HELZ2: variants seen among roughly 807,000 people sequenced by gnomAD.
HELZ2 encodes the protein helicase with zinc finger 2.
Under a neutral mutation model 208.8 loss-of-function variants are expected in HELZ2, and 143 were observed. The observed-to-expected ratio is 0.68, with a 90% CI of 0.60 to 0.79. The LOEUF (loss-of-function observed/expected upper bound fraction) is 0.79. Ranked by LOEUF, HELZ2 falls within the 30% of genes least tolerant of loss-of-function variation. The pLI is 0.00. For missense variants in HELZ2, 3,690 were observed against 3,794.5 expected (o/e 0.97, Z 0.72); for synonymous variants, 1,705 against 1,693.7 (o/e 1.01, Z -0.16).
downstream of HELZ2, chr20:63,559,196 C>T (rs988468231): frequency 1.2e-5 from 18 of 1,467,034 alleles, no homozygotes; most frequent in Non-Finnish European, 1.6e-5. Context: ...GGTGGGGGGG[C>T]CCTGGACTTT....
exon 6 of HELZ2, chr20:63,567,568 T>G: frequency 6.3e-7 from 1 of 1,585,088 alleles, no homozygotes; most frequent in Non-Finnish European, 8.6e-7. Flanking sequence ...AGGAGTGGCC[T>G]CGGGGTGGCC....
exon 8 of HELZ2, chr20:63,562,550 A>T (rs1428088813): frequency 1.9e-6 from 3 of 1,595,150 alleles, no homozygotes; most frequent in Non-Finnish European, 2.6e-6. Flanking sequence ...CAGCAGCTCA[A>T]CGGTGAACAG....
chr20:63,562,159 C>A lies in HELZ2; in HGVS notation c.6442G>T (p.Gly2148Ter). Residue 2148 changes from glycine (G) to a stop codon, truncating the protein, a stop_gained, in exon 10 of 19, where the codon GGA (glycine) becomes TGA (stop). Transcript: ENST00000467148. LOFTEE classifies it high-confidence loss of function. ...CTGGGGTTCAGCTTGTGGCGGCCTCCGGGGATGTTGTAGGTCTGCCGCTCC... is the reference window on the plus strand; with the variant it reads ...CTGGGGTTCAGCTTGTGGCGGCCTCAGGGGATGTTGTAGGTCTGCCGCTCC... The A allele has an allele frequency of 6.2e-7, 1 of 1,611,854 alleles. No homozygotes were observed.
exon 5 of HELZ2, chr20:63,568,821 C>T: frequency 6.2e-7 from 1 of 1,612,178 alleles, no homozygotes; most frequent in Middle Eastern, 1.7e-4. Flanking sequence ...GGTGCAGGTA[C>T]AGGGGCCACC....
rs756255272 is a variant in HELZ2, at chr20:63,569,335, C to T, written c.901G>A (p.Val301Met). ...GCCGTCCGCTCCACGCCAGGCACCA[C>T]GTGGCGGTTGCCAGTGTGCCAGCGC... Residue 301 changes from valine (V) to methionine (M), a missense_variant, in exon 4 of 19, where the codon GTG becomes ATG. Physicochemically the swap from Val to Met is conservative, Grantham distance 21 (BLOSUM62 1). This residue lies in a region of HELZ2 where 1,119 missense variants were observed against 1,193.4 expected (regional missense o/e 0.94). Transcript: ENST00000467148. 31 of 1,600,400 alleles carry T rather than the reference C, an allele frequency of 1.9e-5. No homozygotes were observed. The East Asian group carries it at 2.7e-4, about 14-fold the overall frequency.
intron 15 of HELZ2, 22 bp from the exon 17 acceptor site, chr20:63,560,719 G>A: frequency 6.2e-7 from 1 of 1,605,274 alleles, no homozygotes; most frequent in South Asian, 1.1e-5. Context: ...GATGTGCGCT[G>A]GTCAGAGGCT....
chr20:63,559,009 GC>G, downstream of HELZ2: 1 of 466,654 alleles, frequency 2.1e-6, no homozygotes, highest in South Asian at 3.2e-5. Flanking sequence ...TCCCAAGGAA[GC>G]CCCTCTTGGC....
At chr20:63,561,629 G>C (rs201218245) in exon 12 of HELZ2, 34 of 1,609,730 alleles carry the variant, frequency 2.1e-5, no homozygotes, top group Non-Finnish European at 5.1e-6. Flanking sequence ...CTCCCCTCCC[G>C]GGGGCTCTTC....
At chr20:63,569,200 T>C (rs1367790939) in exon 4 of HELZ2, 1 of 1,552,076 alleles carries the variant, frequency 6.4e-7, no homozygotes. Flanking sequence ...AACTGGTGCA[T>C]CCTCTGCCGA....
At chr20:63,569,567 A>C (rs1425318496) in exon 4 of HELZ2, 3 of 1,595,962 alleles carry the variant, frequency 1.9e-6, no homozygotes, top group Admixed American at 3.5e-5. Flanking sequence ...GGAAGCGCTC[A>C]CCCCGTGCGT....
In HELZ2 at chr20:63,565,308, C is replaced by T. The variant is rs182835948; in HGVS notation, c.3514G>A (p.Val1172Met). ...TCTCCCGAAAGGAGCTGCACCAGCA[C>T]CTCATCCCCGGCGAAGGCCATCCCA... is the stretch of plus-strand genomic sequence containing the variant. Residue 1172 changes from valine (V) to methionine (M), a missense_variant, in exon 8 of 19, where the codon GTG becomes ATG. By Grantham distance (21) the Val-to-Met change is conservative. Transcript: ENST00000467148. The T allele has an allele frequency of 2.2e-3, 3,519 of 1,606,328 alleles. 5 individuals carry two copies. Among genetic ancestry groups the T allele is most frequent in the Non-Finnish European group, 2.5e-3 (2,991 of 1,177,412 alleles).
At position 63,568,474 on chromosome 20, in the gene HELZ2, G is replaced by A. The variant is rs940427052; in HGVS notation, c.1614C>T (p.Pro538=). 3.1e-6 allele frequency: 5 copies of A among 1,593,116 alleles called. No individual in the cohort carries two copies. In the African/African-American group the frequency reaches 6.7e-5, roughly 21 times the overall value. ...CAAAGGGGCCATAGATGAGTAGCGG[G>A]GGGACACGCCTCCCATCCCCAGGGC... Residue 538 remains proline (P), a synonymous_variant, in exon 5 of 19, where the codon CCC becomes CCT. Transcript: ENST00000467148.
At chr20:63,559,062 C>G (rs1281191086), downstream of HELZ2, 2 of 635,272 alleles carry the variant, frequency 3.1e-6, no homozygotes, top group East Asian at 3.1e-5. Context: ...CCAGGAGGAG[C>G]AAGAGTGTGG....
exon 8 of HELZ2, chr20:63,564,108 C>T (rs1244890938): frequency 1.2e-6 from 2 of 1,610,352 alleles, no homozygotes; most frequent in African/African-American, 1.3e-5. Context: ...GGCACCCGGT[C>T]CCCATGCTTC....
intron 5 of HELZ2, chr20:63,567,906 G>T (rs112648688): frequency 1.6e-6 from 1 of 615,154 alleles, no homozygotes; most frequent in Non-Finnish European, 2.8e-6. Context: ...AAATCAGCCC[G>T]GGACGTATGG....
At chr20:63,572,697 C>T, upstream of HELZ2, 2 of 370,204 alleles carry the variant, frequency 5.4e-6, no homozygotes, top group Admixed American at 8.7e-5. Flanking sequence ...CGGCCTGCCC[C>T]TCCCTGGGCC....
exon 8 of HELZ2, chr20:63,563,164 C>T (rs1291762664): frequency 6.3e-7 from 1 of 1,592,516 alleles, no homozygotes; most frequent in East Asian, 2.3e-5. Flanking sequence ...TGGTGCCGAG[C>T]TGCACCTGCA....
rs754388676 is a variant in HELZ2, at chr20:63,565,126, C to T, written c.3696G>A (p.Lys1232=). 5.1e-6 allele frequency: 8 copies of T among 1,575,938 alleles called. No homozygotes were observed. The East Asian group carries it at 1.9e-4, about 37-fold the overall frequency. Residue 1232 remains lysine (K), a synonymous_variant, in exon 8 of 19, where the codon AAG becomes AAA. Coordinates refer to ENST00000467148, the Ensembl canonical transcript of HELZ2. ...TGTAGATGGGGACCTGCGATGGGTCCTTCAGCTCGGCCACGAAGATCTTGG... is the reference window on the plus strand; with the variant it reads ...TGTAGATGGGGACCTGCGATGGGTCTTTCAGCTCGGCCACGAAGATCTTGG...
exon 18 of HELZ2, chr20:63,560,083 C>G: frequency 6.2e-7 from 1 of 1,600,882 alleles, no homozygotes; most frequent in Non-Finnish European, 8.5e-7. Context: ...CAGCACATAG[C>G]GCCACTCGCT....
Sources: gnomAD v4.1 joint callset for allele counts on GRCh38, gnomAD v4.1.1 for gene constraint, gnomAD v4.1.1 regional missense constraint, MANE v1.5 for transcripts, NCBI Gene and HGNC (gene_info 2026-07-23, HGNC 2026-07-21) for gene names.